RYR2: variants seen among roughly 807,000 people sequenced by gnomAD.
RYR2 encodes ryanodine receptor 2.
Under a neutral mutation model 601.1 loss-of-function variants are expected in RYR2, and 227 were observed. The observed-to-expected ratio is 0.38, with a 90% CI of 0.34 to 0.42. The LOEUF (loss-of-function observed/expected upper bound fraction) is 0.42, where lower values mean the gene tolerates loss of function less well. RYR2 is among the 10% of genes least tolerant of loss of function. The pLI, the probability that RYR2 is intolerant of heterozygous loss-of-function variation, is 1.00. For synonymous variants in RYR2, 2,223 were observed against 2,175.1 expected (o/e 1.02, Z -0.61); for missense variants, 4,646 against 6,156.5 (o/e 0.75, Z 8.21).
intron 80 of RYR2, among the ~76,000 whole-genome samples, chr1:237,747,858 A>G (rs932076759): frequency 3.3e-5 from 5 of 152,240 alleles, no homozygotes; most frequent in African/African-American, 9.6e-5. Context: ...TTTAGTTCCT[A>G]CTGCAGGAGG....
chr1:237,384,574 A>C (rs1701818821), intron 8 of RYR2, among the ~76,000 whole-genome samples: 1 of 152,268 alleles, frequency 6.6e-6, no homozygotes, highest in Non-Finnish European at 1.5e-5. Context: ...GGTATGTTAA[A>C]AATAAAAATC....
chr1:237,595,383 C>T, intron 33 of RYR2, 115 bp from the exon 34 acceptor site: 1 of 1,218,190 alleles, frequency 8.2e-7, no homozygotes, highest in Admixed American at 2.7e-5. Flanking sequence ...GCACCTCTCC[C>T]ATTACAGCAT....
chr1:237,047,839 T>C (rs1195846411), intron 1 of RYR2, among the ~76,000 whole-genome samples: 3 of 152,240 alleles, frequency 2.0e-5, no homozygotes, highest in Admixed American at 6.5e-5. Context: ...TTTCCTGTTC[T>C]GGCTCTTCTG....
At chr1:237,562,180 T>C (rs1031615552) in intron 27 of RYR2, among the ~76,000 whole-genome samples, 1 of 152,220 alleles carries the variant, frequency 6.6e-6, no homozygotes, top group Admixed American at 6.5e-5. Context: ...GTCAATAATA[T>C]TTTAAAGCAT....
chr1:237,408,687 T>A (rs1029348098), intron 10 of RYR2, among the ~76,000 whole-genome samples: 1 of 152,116 alleles, frequency 6.6e-6, no homozygotes, highest in Admixed American at 6.5e-5. Context: ...ATATAAACTT[T>A]AGAATCAGTT....
intron 1 of RYR2, among the ~76,000 whole-genome samples, chr1:237,153,345 G>T (rs1272992149): frequency 4.6e-5 from 7 of 152,206 alleles, no homozygotes; most frequent in Non-Finnish European, 7.3e-5. Flanking sequence ...GAACAAGTTG[G>T]TAGGGGATCA....
intron 94 of RYR2, 125 bp from the exon 95 acceptor site, chr1:237,793,742 C>A: frequency 2.7e-6 from 2 of 728,736 alleles, no homozygotes; most frequent in South Asian, 1.9e-5. Flanking sequence ...ATTTTCATTC[C>A]ATTTTTACCT....
intron 1 of RYR2, among the ~76,000 whole-genome samples, chr1:237,090,933 T>C (rs1223906474): frequency 2.0e-5 from 3 of 152,250 alleles, no homozygotes; most frequent in African/African-American, 7.2e-5. Flanking sequence ...CCCATGTGCA[T>C]TACAAAATAT....
At chr1:237,070,031 C>CTTTTT (rs3056163) in intron 1 of RYR2, among the ~76,000 whole-genome samples, 2 of 135,802 alleles carry the variant, frequency 1.5e-5, no homozygotes. Context: ...GGTGTTTTAA[C>CTTTTT]TTTTTTTTTT....
chr1:237,759,708 T>C, intron 82 of RYR2, 68 bp from the exon 83 acceptor site: 1 of 938,498 alleles, frequency 1.1e-6, no homozygotes, highest in South Asian at 1.3e-5. Context: ...CCTGTTTTGG[T>C]TGTTTATTTA....
At chr1:237,333,223 A>C (rs1200512674) in intron 3 of RYR2, among the ~76,000 whole-genome samples, 1 of 152,258 alleles carries the variant, frequency 6.6e-6, no homozygotes, top group Non-Finnish European at 1.5e-5. Context: ...AACACATTGC[A>C]TGAAGCTGAA....
intron 34 of RYR2, among the ~76,000 whole-genome samples, chr1:237,600,653 G>A (rs1676398731): frequency 6.6e-6 from 1 of 151,986 alleles, no homozygotes; most frequent in Non-Finnish European, 1.5e-5. Context: ...AATTAACAGA[G>A]TGAAAAGACA....
intron 29 of RYR2, among the ~76,000 whole-genome samples, chr1:237,586,224 T>C (rs1311243501): frequency 6.6e-6 from 1 of 152,254 alleles, no homozygotes; most frequent in African/African-American, 2.4e-5. Context: ...TTATTTGCCA[T>C]ATTAATTTTA....
Position 237,755,234 on chromosome 1 carries a change from A to C in RYR2, c.11146-1054A>C, listed in dbSNP as rs548359661. 29 of 461,964 alleles carry C rather than the reference A, an allele frequency of 6.3e-5. No homozygotes were observed. In the East Asian group the frequency reaches 1.8e-3, roughly 29 times the overall value. The allele number at this position is 461,964 out of a possible 1,614,324, so 28.6% of individuals were successfully genotyped here. A position where few individuals can be genotyped will look rare whatever the true frequency, so the allele number is the denominator to read the frequency against. ...TTCACTTTATTTTTCATATTCTGTA[A>C]CTAGCAAGCCTTCATTTTTTAAACC... On this transcript the variant is annotated intron_variant, in intron 80 of 104. Transcript: ENST00000366574.
chr1:237,199,902 C>A (rs572052824), intron 1 of RYR2, among the ~76,000 whole-genome samples: 1 of 152,160 alleles, frequency 6.6e-6, no homozygotes, highest in East Asian at 1.9e-4. Flanking sequence ...TAAATAAATT[C>A]CAAATTGTGC....
chr1:237,587,369 A>G (rs1309838403), intron 29 of RYR2, among the ~76,000 whole-genome samples: 1 of 152,186 alleles, frequency 6.6e-6, no homozygotes, highest in Admixed American at 6.5e-5. Flanking sequence ...GTTAAATAAA[A>G]TTTTAAAAAT....
chr1:237,453,972 C>T (rs1222654587), intron 14 of RYR2, among the ~76,000 whole-genome samples: 5 of 152,080 alleles, frequency 3.3e-5, no homozygotes, highest in African/African-American at 1.2e-4. Context: ...AACAGAATGG[C>T]AAGCTAGGGT....
At chr1:237,549,914 A>G (rs1278953474) in intron 26 of RYR2, among the ~76,000 whole-genome samples, 2 of 152,124 alleles carry the variant, frequency 1.3e-5, no homozygotes, top group African/African-American at 4.8e-5. Flanking sequence ...ATAGTAAGAT[A>G]GCCTGTTCAC....
intron 71 of RYR2, among the ~76,000 whole-genome samples, chr1:237,712,985 C>T (rs1688967421): frequency 6.6e-6 from 1 of 152,176 alleles, no homozygotes; most frequent in African/African-American, 2.4e-5. Flanking sequence ...TACACCCACT[C>T]CACTGACCTC....
Sources: gnomAD v4.1 joint callset for allele counts (sites outside exome capture counted in the v4.1 genomes callset) on GRCh38, gnomAD v4.1.1 for gene constraint, MANE v1.5 for transcripts, NCBI Gene and HGNC (gene_info 2026-07-23, HGNC 2026-07-21) for gene names.